PIP5K1B: variants seen among roughly 807,000 people sequenced by gnomAD.
The protein encoded by PIP5K1B is phosphatidylinositol-4-phosphate 5-kinase type 1 beta.
In PIP5K1B, 42 loss-of-function variants were observed where a neutral mutation model predicts 67.0. That is an observed-to-expected ratio of 0.63 (90% CI 0.49 to 0.81). The LOEUF (loss-of-function observed/expected upper bound fraction) is 0.81, where lower values mean the gene tolerates loss of function less well. Among genes scored for constraint, PIP5K1B ranks in the 30% least tolerant of loss-of-function variants. The pLI is 0.00. For missense variants in PIP5K1B, 459 were observed against 646.3 expected, an observed-to-expected ratio of 0.71 and a Z score of 3.14; for synonymous variants, 214 against 231.4, an observed-to-expected ratio of 0.92 and a Z score of 0.68.
intron 7 of PIP5K1B, among the ~76,000 whole-genome samples, chr9:68,891,009 A>T (rs764828860): frequency 1.3e-5 from 2 of 152,190 alleles, no homozygotes; most frequent in Non-Finnish European, 2.9e-5. Flanking sequence ...GCACTTTGGG[A>T]GGCCAAGGTG....
At chr9:68,852,483 G>A (rs993162987) in intron 4 of PIP5K1B, among the ~76,000 whole-genome samples, 1 of 152,156 alleles carries the variant, frequency 6.6e-6, no homozygotes, top group African/African-American at 2.4e-5. Flanking sequence ...AACCCTTAAG[G>A]AGGGAGGGAT....
chr9:68,932,166 A>T (rs931813627), intron 12 of PIP5K1B, among the ~76,000 whole-genome samples: 1 of 152,132 alleles, frequency 6.6e-6, no homozygotes, highest in Non-Finnish European at 1.5e-5. Flanking sequence ...TCTTTTCCTC[A>T]TTACACGGCT....
chr9:68,807,780 A>G (rs1832950574), intron 2 of PIP5K1B, among the ~76,000 whole-genome samples: 1 of 152,238 alleles, frequency 6.6e-6, no homozygotes, highest in Non-Finnish European at 1.5e-5. Flanking sequence ...GGAAAAAAAG[A>G]GGAAAATAGC....
At chr9:68,836,548 A>T (rs937466801) in intron 4 of PIP5K1B, among the ~76,000 whole-genome samples, 4 of 152,154 alleles carry the variant, frequency 2.6e-5, no homozygotes, top group East Asian at 1.9e-4. Flanking sequence ...AGCTGCATTG[A>T]TGTTTATCTC....
rs191244211 is a variant in PIP5K1B, at chr9:68,979,106, A to G, written c.1503-12034A>G. Among the ~76,000 whole-genome samples the G allele has an allele frequency of 1.0e-3, 158 of 152,262 alleles. 1 individual carries two copies. Among genetic ancestry groups the G allele is most frequent in the Middle Eastern group, 6.8e-3 (2 of 294 alleles). On this transcript the variant is annotated intron_variant, in intron 14 of 15. Coordinates refer to ENST00000265382, the MANE Select transcript of PIP5K1B (RefSeq NM_003558.4). ...ATCTCTGTATCTCTTTTTCTCTTTT[A>G]TAATTGAACCATGGTTGCTGGGGAT...
intron 14 of PIP5K1B, among the ~76,000 whole-genome samples, chr9:68,984,780 C>T (rs1273064955): frequency 1.3e-5 from 2 of 152,184 alleles, no homozygotes; most frequent in Non-Finnish European, 2.9e-5. Flanking sequence ...ACATCATATA[C>T]CATATTTGTT....
chr9:68,843,761 C>T (rs888747961), intron 4 of PIP5K1B, among the ~76,000 whole-genome samples: 4 of 152,192 alleles, frequency 2.6e-5, no homozygotes, highest in African/African-American at 9.6e-5. Flanking sequence ...AGAAAATTCC[C>T]CTCAGCCATA....
At chr9:68,712,488 T>C (rs1197201758) in intron 1 of PIP5K1B, among the ~76,000 whole-genome samples, 3 of 152,102 alleles carry the variant, frequency 2.0e-5, no homozygotes, top group Non-Finnish European at 4.4e-5. Flanking sequence ...GATTATAAAC[T>C]CTTTGAGGGC....
At chr9:68,921,456 G>T (rs180682353) in intron 11 of PIP5K1B, among the ~76,000 whole-genome samples, 1 of 152,292 alleles carries the variant, frequency 6.6e-6, no homozygotes, top group East Asian at 1.9e-4. Flanking sequence ...CATTGAAGGG[G>T]AGAGAGTGAA....
chr9:68,821,474 A>G (rs763927333), intron 3 of PIP5K1B, among the ~76,000 whole-genome samples: 15 of 152,236 alleles, frequency 9.9e-5, no homozygotes, highest in Non-Finnish European at 2.2e-4. Flanking sequence ...TGTGAAAACA[A>G]TGTTAACCTT....
intron 8 of PIP5K1B, among the ~76,000 whole-genome samples, chr9:68,896,180 T>C (rs548449061): frequency 3.9e-5 from 6 of 152,334 alleles, no homozygotes; most frequent in Admixed American, 3.9e-4. Flanking sequence ...CTTTTTCCTG[T>C]GTTTTTTCTG....
intron 15 of PIP5K1B, among the ~76,000 whole-genome samples, chr9:68,996,528 A>AGAT (rs1166422189): frequency 1.3e-5 from 2 of 152,238 alleles, no homozygotes; most frequent in Non-Finnish European, 2.9e-5. Flanking sequence ...GAATACACAG[A>AGAT]GATGAGCAGG....
chr9:68,977,747 C>G (rs1048890241), intron 14 of PIP5K1B, among the ~76,000 whole-genome samples: 9 of 151,254 alleles, frequency 6.0e-5, no homozygotes, highest in Non-Finnish European at 8.8e-5. Flanking sequence ...CTCTGCCTCC[C>G]AGGTTGAAGC....
intron 2 of PIP5K1B, chr9:68,786,268 T>C (rs1831609015): frequency 6.6e-6 from 1 of 152,212 alleles, no homozygotes; most frequent in South Asian, 2.1e-4. Flanking sequence ...GTGTTAATAT[T>C]TCTTGAGCAT....
chr9:69,002,083 C>A (rs962437597), intron 15 of PIP5K1B, among the ~76,000 whole-genome samples: 1 of 152,210 alleles, frequency 6.6e-6, no homozygotes, highest in Non-Finnish European at 1.5e-5. Flanking sequence ...GTGTGGGATG[C>A]TTTAATGAGG....
chr9:68,940,759 C>G lies in PIP5K1B; in HGVS notation c.1471C>G (p.Pro491Ala), dbSNP rs373153271. 8.7e-6 allele frequency: 14 copies of G among 1,613,810 alleles called. No individual in the cohort carries two copies. The highest frequency in any genetic ancestry group is 1.2e-5 in the Non-Finnish European group (14 of 1,179,862). The change falls in exon 14 of 16, where the codon CCA becomes GCA. Residue 491 changes from proline to alanine, a missense_variant. Physicochemically the swap from Pro to Ala is conservative, Grantham distance 27. Around this residue, in one of 2 missense-constraint regions of PIP5K1B, gnomAD observed 169 missense variants for 171.9 expected, o/e 0.98. Coordinates refer to ENST00000265382, the MANE Select transcript of PIP5K1B (RefSeq NM_003558.4). ...SSSLYVNEHY[P>A]HDRPTLYSNS... is the part of the protein sequence containing the mutation. ...TTCCTTATACGTCAATGAGCACTAT[C>G]CACACGACAGGCCTACACTCTATTC...
intron 2 of PIP5K1B, among the ~76,000 whole-genome samples, chr9:68,796,929 G>T (rs1457423714): frequency 6.6e-6 from 1 of 152,126 alleles, no homozygotes; most frequent in Non-Finnish European, 1.5e-5. Context: ...ATCAAAACTA[G>T]CATATTTCTA....
intron 2 of PIP5K1B, among the ~76,000 whole-genome samples, chr9:68,755,990 A>G (rs1327357949): frequency 6.6e-6 from 1 of 152,194 alleles, no homozygotes; most frequent in Non-Finnish European, 1.5e-5. Flanking sequence ...AGCTGGCCCT[A>G]CTTTGCCATC....
At chr9:68,763,922 G>T (rs1830304398) in intron 2 of PIP5K1B, among the ~76,000 whole-genome samples, 1 of 151,998 alleles carries the variant, frequency 6.6e-6, no homozygotes, top group Non-Finnish European at 1.5e-5. Flanking sequence ...AAGGCTGGTG[G>T]ATTAGCCTTG....
Sources: gnomAD v4.1 joint callset for allele counts (sites outside exome capture counted in the v4.1 genomes callset) on GRCh38, gnomAD v4.1.1 for gene constraint, gnomAD v4.1.1 regional missense constraint, MANE v1.5 for transcripts, NCBI Gene and HGNC (gene_info 2026-07-23, HGNC 2026-07-21) for gene names.